AGBL1: variants seen among roughly 807,000 people sequenced by gnomAD.
AGBL1 encodes the protein cytosolic carboxypeptidase 4.
Under a neutral mutation model 118.9 loss-of-function variants are expected in AGBL1, and 130 were observed. That is an observed-to-expected ratio of 1.09 (90% CI 0.95 to 1.26). The LOEUF (loss-of-function observed/expected upper bound fraction) is 1.26. Ranked by LOEUF, AGBL1 falls within the 50% of genes most tolerant of loss-of-function variation. The probability of loss-of-function intolerance (pLI) is 0.00; values close to 1 mark genes in which losing one functional copy is unlikely to be tolerated. For missense variants in AGBL1, 1,584 were observed against 1,298.1 expected (o/e 1.22, Z -3.38); for synonymous variants, 555 against 478.9 (o/e 1.16, Z -2.08).
intron 1 of AGBL1, among the ~76,000 whole-genome samples, chr15:86,115,624 G>A (rs1300181761): frequency 2.0e-5 from 3 of 152,134 alleles, no homozygotes; most frequent in Non-Finnish European, 4.4e-5. Context: ...TCTGGGATGA[G>A]GACTACTGCT....
Position 86,848,803 on chromosome 15 carries a change from C to CT in AGBL1, c.3159-58278dup, listed in dbSNP as rs1240970142. Among the ~76,000 whole-genome samples the CT allele has an allele frequency of 5.9e-5, 9 of 152,046 alleles. No individual in the cohort carries two copies. In the South Asian group the frequency reaches 8.3e-4, roughly 14 times the overall value. On this transcript the variant is annotated intron_variant, in intron 22 of 22. Coordinates refer to ENST00000614907, the MANE Select transcript of AGBL1 (RefSeq NM_001386094.1). ...TAGCACAAATATATTTATCTTTAAA[C>CT]TTTTTTATGGTAGCAATATACATAG...
At chr15:86,564,688 G>A (rs571300081) in intron 21 of AGBL1, among the ~76,000 whole-genome samples, 5 of 152,274 alleles carry the variant, frequency 3.3e-5, no homozygotes, top group Admixed American at 2.0e-4. Flanking sequence ...GCCTTGCTAG[G>A]TTGGGGAAGT....
At chr15:86,731,076 C>T (rs2077521041) in intron 22 of AGBL1, among the ~76,000 whole-genome samples, 1 of 152,058 alleles carries the variant, frequency 6.6e-6, no homozygotes, top group African/African-American at 2.4e-5. Context: ...GGTGATCCGC[C>T]CGTCTTGGCC....
intron 23 of AGBL1, among the ~76,000 whole-genome samples, chr15:86,960,132 C>T (rs1936325408): frequency 6.6e-6 from 1 of 152,058 alleles, no homozygotes; most frequent in African/African-American, 2.4e-5. Context: ...ATGCAGGGTA[C>T]TACTTATCTT....
At chr15:86,794,434 C>T (rs537884737) in intron 22 of AGBL1, among the ~76,000 whole-genome samples, 1 of 152,048 alleles carries the variant, frequency 6.6e-6, no homozygotes, top group East Asian at 1.9e-4. Flanking sequence ...TTAGTGATTG[C>T]CAGGGGCTAG....
intron 23 of AGBL1, among the ~76,000 whole-genome samples, chr15:86,936,411 C>T (rs1221026250): frequency 6.6e-6 from 1 of 152,140 alleles, no homozygotes; most frequent in Non-Finnish European, 1.5e-5. Context: ...TGTATATTGA[C>T]ACTTCCAAGG....
At chr15:86,892,703 C>A (rs2080068782) in intron 22 of AGBL1, among the ~76,000 whole-genome samples, 1 of 152,110 alleles carries the variant, frequency 6.6e-6, no homozygotes, top group East Asian at 1.9e-4. Context: ...CTCAACAGTG[C>A]CTAGTGCTCT....
At chr15:86,770,299 C>T (rs908102712) in intron 22 of AGBL1, among the ~76,000 whole-genome samples, 1 of 151,912 alleles carries the variant, frequency 6.6e-6, no homozygotes, top group African/African-American at 2.4e-5. Flanking sequence ...GCAGTGGTCC[C>T]TCCATGGGGT....
chr15:86,449,115 T>C (rs1338996791), intron 18 of AGBL1, among the ~76,000 whole-genome samples: 1 of 151,742 alleles, frequency 6.6e-6, no homozygotes, highest in Non-Finnish European at 1.5e-5. Context: ...AAAATATGAG[T>C]AAATTTCTAA....
At chr15:86,768,839 C>T (rs2078132334) in intron 22 of AGBL1, among the ~76,000 whole-genome samples, 2 of 151,534 alleles carry the variant, frequency 1.3e-5, no homozygotes, top group African/African-American at 2.4e-5. Context: ...TAAGGGCTTA[C>T]AGGAATCTCT....
chr15:86,261,942 C>T (rs1345569294), intron 9 of AGBL1, among the ~76,000 whole-genome samples: 3 of 152,206 alleles, frequency 2.0e-5, no homozygotes, highest in African/African-American at 7.2e-5. Context: ...GATATAATTT[C>T]TCTCCCGCCT....
intron 22 of AGBL1, among the ~76,000 whole-genome samples, chr15:86,821,916 G>T (rs1002845227): frequency 1.3e-5 from 2 of 152,052 alleles, no homozygotes; most frequent in Non-Finnish European, 2.9e-5. Context: ...AACCAATATC[G>T]CATGGGCACA....
intron 21 of AGBL1, among the ~76,000 whole-genome samples, chr15:86,557,643 T>C (rs781584521): frequency 9.9e-5 from 15 of 152,192 alleles, no homozygotes; most frequent in Non-Finnish European, 2.1e-4. Context: ...ATAACACAAA[T>C]CTATTCAAGT....
At chr15:86,948,845 A>G (rs1217253667) in intron 23 of AGBL1, among the ~76,000 whole-genome samples, 1 of 152,240 alleles carries the variant, frequency 6.6e-6, no homozygotes, top group Non-Finnish European at 1.5e-5. Context: ...ATACACTAGC[A>G]TAACCTAGCC....
chr15:86,887,725 G>A (rs559949679), intron 22 of AGBL1, among the ~76,000 whole-genome samples: 8 of 152,054 alleles, frequency 5.3e-5, no homozygotes, highest in East Asian at 3.9e-4. Flanking sequence ...TCTTTTAGCC[G>A]CAGATCATAC....
chr15:86,941,991 A>C (rs570662432), intron 23 of AGBL1, among the ~76,000 whole-genome samples: 1 of 152,354 alleles, frequency 6.6e-6, no homozygotes, highest in East Asian at 1.9e-4. Flanking sequence ...ACTGAGAGGC[A>C]ATGGATGAAT....
At chr15:86,835,939 A>C (rs2079164896) in intron 22 of AGBL1, among the ~76,000 whole-genome samples, 1 of 152,208 alleles carries the variant, frequency 6.6e-6, no homozygotes, top group African/African-American at 2.4e-5. Context: ...TATGGGCCAG[A>C]TCACACACAC....
chr15:86,165,151 C>A (rs766236674), intron 5 of AGBL1, among the ~76,000 whole-genome samples: 18 of 152,162 alleles, frequency 1.2e-4, no homozygotes, highest in South Asian at 1.0e-3. Flanking sequence ...GCTTCATAAG[C>A]AAATTCTTCA....
At position 86,263,662 on chromosome 15, in the gene AGBL1, A is replaced by G. The variant is rs981469929; in HGVS notation, c.1087-596A>G. ...CTTTTTTAATAGAAACAAATTGGGA[A>G]CATTAGACCTGGTGATGCTAATTCT... is the stretch of plus-strand genomic sequence containing the variant. On this transcript the variant is annotated intron_variant, in intron 10 of 22. Coordinates refer to ENST00000614907, the MANE Select transcript of AGBL1 (RefSeq NM_001386094.1). 2.6e-5 allele frequency among the ~76,000 whole-genome samples: 4 copies of G among 152,332 alleles called. 1 individual carries two copies. The South Asian group carries it at 6.2e-4, about 24-fold the overall frequency.
Sources: gnomAD v4.1 joint callset for allele counts (sites outside exome capture counted in the v4.1 genomes callset) on GRCh38, gnomAD v4.1.1 for gene constraint, MANE v1.5 for transcripts, NCBI Gene and HGNC (gene_info 2026-07-23, HGNC 2026-07-21) for gene names.